The following MYO9A variants were observed in gnomAD, a reference collection of about 807,000 sequenced individuals.
The protein encoded by MYO9A is myosin IXA.
MYO9A carries 103 observed loss-of-function variants against 293.3 expected under a neutral mutation model. The observed-to-expected ratio is 0.35, with a 90% confidence interval of 0.30 to 0.41. MYO9A has a LOEUF of 0.41. Among genes scored for constraint, MYO9A ranks in the 10% least tolerant of loss-of-function variants. The pLI, the probability that MYO9A is intolerant of heterozygous loss-of-function variation, is 1.00. For missense variants in MYO9A, 2,685 were observed against 3,033.0 expected (o/e 0.89, Z 2.69); for synonymous variants, 1,001 against 1,035.7 (o/e 0.97, Z 0.64).
chr15:72,111,351 T>A (rs1306830171), intron 1 of MYO9A, among the ~76,000 whole-genome samples: 1 of 150,946 alleles, frequency 6.6e-6, no homozygotes, highest in East Asian at 2.0e-4. Flanking sequence ...TAGCCGGGCA[T>A]GGTGGCGTGC....
chr15:72,109,067 C>T (rs1285307915), intron 1 of MYO9A, among the ~76,000 whole-genome samples: 1 of 152,074 alleles, frequency 6.6e-6, no homozygotes, highest in Non-Finnish European at 1.5e-5. Context: ...CCAGCCGCAA[C>T]TTACTTTCAA....
chr15:71,889,690 G>C (rs1227341235), intron 26 of MYO9A: 1 of 151,710 alleles, frequency 6.6e-6, no homozygotes, highest in Admixed American at 6.6e-5. Flanking sequence ...TAAGAAAAAA[G>C]GGTTTACCAA....
intron 14 of MYO9A, among the ~76,000 whole-genome samples, chr15:71,957,495 T>A (rs1233130032): frequency 6.6e-6 from 1 of 152,130 alleles, no homozygotes; most frequent in Non-Finnish European, 1.5e-5. Context: ...CTTTTTTTTT[T>A]AACAAAAGTT....
In MYO9A at chr15:71,918,701, C is replaced by T. The variant is rs545274412; in HGVS notation, c.2563-2209G>A. Among the ~76,000 whole-genome samples the T allele has an allele frequency of 3.3e-5, 5 of 152,040 alleles. No individual in the cohort carries two copies. In the South Asian group the frequency reaches 1.0e-3, roughly 31 times the overall value. ...TGTGAAAACAAATTAGCATTGAAGC[C>T]TAAAATAATTCCCCCACTTCCACTT... is the stretch of plus-strand genomic sequence containing the variant. On this transcript the variant is annotated intron_variant, in intron 18 of 41. Coordinates refer to ENST00000356056, the MANE Select transcript of MYO9A (RefSeq NM_006901.4).
chr15:72,069,830 C>T (rs992354463), intron 1 of MYO9A, among the ~76,000 whole-genome samples: 15 of 149,796 alleles, frequency 1.0e-4, no homozygotes, highest in African/African-American at 2.9e-4. Flanking sequence ...GGCGCAGGGC[C>T]GGGGGAGGCT....
intron 1 of MYO9A, among the ~76,000 whole-genome samples, chr15:72,059,642 G>T (rs1201205938): frequency 6.6e-6 from 1 of 152,112 alleles, no homozygotes; most frequent in African/African-American, 2.4e-5. Context: ...TTTTTAGTGA[G>T]GCTTTCTGAA....
chr15:72,028,218 A>AATAAATAAAT (rs1555408276), intron 3 of MYO9A, among the ~76,000 whole-genome samples: 1 of 134,256 alleles, frequency 7.4e-6, no homozygotes, highest in African/African-American at 2.7e-5. Context: ...TAAATAAATA[A>AATAAATAAAT]ATATATATAT....
At chr15:72,067,530 CT>C (rs1227855849) in intron 1 of MYO9A, among the ~76,000 whole-genome samples, 1 of 152,134 alleles carries the variant, frequency 6.6e-6, no homozygotes, top group Non-Finnish European at 1.5e-5. Context: ...ATCCACCCGC[CT>C]CAGCCTCCCA....
chr15:72,038,872 C>T (rs1474237040), intron 2 of MYO9A, among the ~76,000 whole-genome samples: 1 of 152,132 alleles, frequency 6.6e-6, no homozygotes, highest in Admixed American at 6.5e-5. Flanking sequence ...GCTTTCATTT[C>T]TTACTTCATT....
At chr15:71,901,130 G>A (rs2057470549) in intron 23 of MYO9A, 61 bp downstream of exon 23, 7 of 1,521,344 alleles carry the variant, frequency 4.6e-6, no homozygotes, top group East Asian at 2.3e-5. Flanking sequence ...AAAGGTTCTG[G>A]TTACTAAACA....
At chr15:71,931,821 A>G (rs551452985) in intron 18 of MYO9A, among the ~76,000 whole-genome samples, 20 of 152,084 alleles carry the variant, frequency 1.3e-4, no homozygotes, top group Middle Eastern at 3.2e-3. Context: ...GCTTCTCCCA[A>G]TCTTGTTTAG....
chr15:71,882,724 C>T lies in MYO9A; in HGVS notation c.5398+870G>A, dbSNP rs2056910678. On this transcript the variant is annotated intron_variant, in intron 28 of 41. Transcript: ENST00000356056. ...TTAATATACAACACAGTGGTTAAGACTATGGACTCTGGAGCAGGACTGCCT... is the reference window on the plus strand; with the variant it reads ...TTAATATACAACACAGTGGTTAAGATTATGGACTCTGGAGCAGGACTGCCT... 2.6e-5 allele frequency among the ~76,000 whole-genome samples: 4 copies of T among 152,326 alleles called. No homozygotes were observed. The South Asian group carries it at 8.3e-4, about 32-fold the overall frequency.
intron 22 of MYO9A, among the ~76,000 whole-genome samples, chr15:71,902,273 T>C (rs762729560): frequency 7.9e-5 from 12 of 151,830 alleles, no homozygotes; most frequent in Non-Finnish European, 1.0e-4. Flanking sequence ...GAGAAAGATG[T>C]TTGGATTTAA....
intron 19 of MYO9A, among the ~76,000 whole-genome samples, chr15:71,908,866 T>G (rs149720855): frequency 1.5e-3 from 235 of 152,310 alleles, no homozygotes; most frequent in South Asian, 0.014. Flanking sequence ...TGCAGTATCA[T>G]ACAGATTAAT....
At chr15:72,041,579 CA>C in intron 2 of MYO9A, 1 of 348,414 alleles carries the variant, frequency 2.9e-6, no homozygotes, top group Non-Finnish European at 5.5e-6. Flanking sequence ...CACTTTTCCG[CA>C]AGGTTGAGCA....
chr15:71,829,803 G>C (rs1386387320), intron 40 of MYO9A, among the ~76,000 whole-genome samples: 1 of 152,080 alleles, frequency 6.6e-6, no homozygotes, highest in Non-Finnish European at 1.5e-5. Flanking sequence ...GTTACTGCTA[G>C]ATGAATCGTG....
At position 72,093,849 on chromosome 15, in the gene MYO9A, T is replaced by A. The variant is rs1388020723; in HGVS notation, c.-72+23831A>T. On this transcript the variant is annotated intron_variant, in intron 1 of 41. Transcript: ENST00000356056. The stretch of plus-strand genomic sequence containing the variant: ...TTGCAGTGAGCCGAGACTGTGCCAC[T>A]GCACTCCAGCCTGGGCAACAGAGTG... 2.2e-5 allele frequency among the ~76,000 whole-genome samples: 2 copies of A among 90,208 alleles called. 1 individual carries two copies. The highest frequency in any genetic ancestry group is 9.2e-4 in the South Asian group (2 of 2,172). 59.2% of individuals were successfully genotyped at this position (90,208 alleles called of 152,430 possible).
chr15:71,859,632 A>C, intron 34 of MYO9A, 103 bp downstream of exon 34: 1 of 872,642 alleles, frequency 1.1e-6, no homozygotes, highest in Non-Finnish European at 1.8e-6. Flanking sequence ...AAGTTTAAAA[A>C]CCACTCATCT....
chr15:71,991,281 T>G (rs375416319), intron 10 of MYO9A, 44 bp from the exon 11 acceptor site: 26 of 1,453,526 alleles, frequency 1.8e-5, no homozygotes, highest in Non-Finnish European at 2.4e-5. Context: ...ATGTTTAAAT[T>G]TATTTAATGA....
Sources: allele counts gnomAD v4.1 joint callset (sites outside exome capture counted in the v4.1 genomes callset), GRCh38; gene constraint gnomAD v4.1.1; transcripts MANE v1.5; gene names NCBI Gene and HGNC (gene_info 2026-07-23, HGNC 2026-07-21).